Variants in MRPS6 observed in about 807,000 individuals in gnomAD.
MRPS6 encodes small ribosomal subunit protein bS6m.
In MRPS6, 6 loss-of-function variants were observed where a neutral mutation model predicts 13.1. The observed-to-expected ratio is 0.46, with a 90% confidence interval of 0.25 to 0.91. The LOEUF (loss-of-function observed/expected upper bound fraction) is 0.91, where lower values mean the gene tolerates loss of function less well. Ranked by LOEUF, MRPS6 falls within the 40% of genes least tolerant of loss-of-function variation. The pLI, the probability that MRPS6 is intolerant of heterozygous loss-of-function variation, is 0.18. For missense variants in MRPS6, 164 were observed against 155.6 expected (o/e 1.05, Z -0.29); for synonymous variants, 61 against 56.5 (o/e 1.08, Z -0.36).
chr21:34,105,287 G>A (rs1207600252), intron 1 of MRPS6: 7 of 1,000,032 alleles, frequency 7.0e-6, no homozygotes, highest in Non-Finnish European at 8.4e-6. Flanking sequence ...TATGAACTGT[G>A]TTATACTTCT....
chr21:34,103,040 C>T (rs1364497124), intron 1 of MRPS6: 3 of 999,678 alleles, frequency 3.0e-6, no homozygotes, highest in Non-Finnish European at 3.6e-6. Context: ...TCAACATAGC[C>T]TAGACTTCTG....
intron 1 of MRPS6, among the ~76,000 whole-genome samples, chr21:34,076,431 TAG>T: frequency 6.6e-6 from 1 of 152,326 alleles, no homozygotes; most frequent in East Asian, 1.9e-4. Context: ...GTGTATTATG[TAG>T]AGTCAGTCAT....
At chr21:34,126,136 T>C (rs759071146) in intron 2 of MRPS6, among the ~76,000 whole-genome samples, 1 of 152,170 alleles carries the variant, frequency 6.6e-6, no homozygotes, top group Admixed American at 6.5e-5. Context: ...TTTAGCGCGG[T>C]AGGAAAAGTC....
chr21:34,142,363 T>C, intron 2 of MRPS6, 45 bp from the exon 3 acceptor site: 1 of 1,532,220 alleles, frequency 6.5e-7, no homozygotes. Flanking sequence ...AGTAGAATTA[T>C]TACAATTCAA....
At chr21:34,123,700 C>A (rs550723797) in intron 1 of MRPS6, 32 of 152,226 alleles carry the variant, frequency 2.1e-4, no homozygotes, top group African/African-American at 7.0e-4. Context: ...TACCAACTTG[C>A]CCATGTGTTT....
chr21:34,098,258 T>A (rs1979064045), intron 1 of MRPS6: 2 of 999,992 alleles, frequency 2.0e-6, no homozygotes, highest in Non-Finnish European at 2.4e-6. Flanking sequence ...CTAGCTTTAT[T>A]CTTGTTATTT....
chr21:34,107,556 C>G (rs780355182), intron 1 of MRPS6, among the ~76,000 whole-genome samples: 32 of 152,100 alleles, frequency 2.1e-4, no homozygotes, highest in Non-Finnish European at 3.8e-4. Context: ...AACTTGAACC[C>G]CTAGTTTTAG....
At chr21:34,102,299 C>T in intron 1 of MRPS6, 4 of 998,976 alleles carry the variant, frequency 4.0e-6, no homozygotes, top group Non-Finnish European at 4.8e-6. Context: ...TTAAACTTCT[C>T]TCTCTTCAAT....
At chr21:34,109,160 T>C (rs1273041277) in intron 1 of MRPS6, among the ~76,000 whole-genome samples, 2 of 152,202 alleles carry the variant, frequency 1.3e-5, no homozygotes, top group East Asian at 3.8e-4. Flanking sequence ...TCTTGTCTTA[T>C]ATCTTGTATC....
intron 1 of MRPS6, among the ~76,000 whole-genome samples, chr21:34,077,264 T>C (rs1295596936): frequency 6.6e-6 from 1 of 152,194 alleles, no homozygotes; most frequent in Admixed American, 6.5e-5. Context: ...TAGAGGAGCT[T>C]AGGAAAAAAA....
At chr21:34,080,555 T>TAAACA (rs1261410035) in intron 1 of MRPS6, among the ~76,000 whole-genome samples, 2 of 152,230 alleles carry the variant, frequency 1.3e-5, no homozygotes, top group Admixed American at 1.3e-4. Context: ...CTTAACTCAT[T>TAAACA]TGGTACATTA....
rs371539220 is a variant in MRPS6, at chr21:34,131,850, T to C, written c.185+6370T>C. 3.9e-5 allele frequency among the ~76,000 whole-genome samples: 6 copies of C among 152,256 alleles called. No homozygotes were observed. The East Asian group carries it at 9.7e-4, about 24-fold the overall frequency. On this transcript the variant is annotated intron_variant, in intron 2 of 2. Coordinates refer to ENST00000399312, the MANE Select transcript of MRPS6 (RefSeq NM_032476.4). ...CTGCGGTGGAAGCCTGGGTTTCTGC[T>C]CATGCAGCAGCTCGTACAGCCTCTC...
chr21:34,096,317 A>G lies in MRPS6; in HGVS notation c.45+22572A>G. On this transcript the variant is annotated intron_variant, in intron 1 of 2. Transcript: ENST00000399312. This position sits in a 1 kb window ranked among gnomAD's most constrained non-coding sequence, Gnocchi z 5.9. ...GTTTAATGATGGCAGTGATGATTGC[A>G]GCTCTGATGAGTGACTTAGACTCTA... 2.5e-6 allele frequency: 4 copies of G among 1,614,110 alleles called. No individual in the cohort carries two copies. Among genetic ancestry groups the G allele is most frequent in the Non-Finnish European group, 3.4e-6 (4 of 1,179,998 alleles).
At chr21:34,086,984 G>A (rs1164974645) in intron 1 of MRPS6, among the ~76,000 whole-genome samples, 4 of 152,184 alleles carry the variant, frequency 2.6e-5, no homozygotes, top group Non-Finnish European at 5.9e-5. Flanking sequence ...ACATATCACT[G>A]CACACTAAGA....
At chr21:34,112,346 G>C (rs1209468364) in intron 1 of MRPS6, among the ~76,000 whole-genome samples, 1 of 152,164 alleles carries the variant, frequency 6.6e-6, no homozygotes, top group Admixed American at 6.6e-5. Flanking sequence ...AATTACACTT[G>C]CAAGATGTAT....
intron 1 of MRPS6, chr21:34,099,987 A>G (rs1040535767): frequency 2.3e-5 from 13 of 561,826 alleles, no homozygotes; most frequent in African/African-American, 1.6e-4. Flanking sequence ...ATGATCATAC[A>G]TGGACTGTCT....
At chr21:34,103,465 G>A (rs1979339229) in intron 1 of MRPS6, 1 of 998,724 alleles carries the variant, frequency 1.0e-6, no homozygotes, top group East Asian at 1.1e-4. Flanking sequence ...CTTATGTTCT[G>A]TGATCTTAAT....
At chr21:34,119,281 C>T (rs1176849780) in intron 1 of MRPS6, among the ~76,000 whole-genome samples, 1 of 152,192 alleles carries the variant, frequency 6.6e-6, no homozygotes, top group Non-Finnish European at 1.5e-5. Flanking sequence ...CTCCCAAGGT[C>T]TGCTAGAACT....
At chr21:34,125,921 A>T (rs1242828998) in intron 2 of MRPS6, among the ~76,000 whole-genome samples, 1 of 152,240 alleles carries the variant, frequency 6.6e-6, no homozygotes, top group African/African-American at 2.4e-5. Context: ...AAAAATGGTA[A>T]TACCTACTCC....
Sources: gnomAD v4.1 joint callset for allele counts (sites outside exome capture counted in the v4.1 genomes callset) on GRCh38, gnomAD v4.1.1 for gene constraint, Gnocchi (gnomAD v3.1) non-coding constraint, MANE v1.5 for transcripts, NCBI Gene and HGNC (gene_info 2026-07-23, HGNC 2026-07-21) for gene names.